SLC22A23: variants seen among roughly 807,000 people sequenced by gnomAD.
The protein encoded by SLC22A23 is solute carrier family 22 member 23, also known as ion transporter protein.
A neutral mutation model predicts 61.0 loss-of-function variants in SLC22A23; 26 were observed. That is an observed-to-expected ratio of 0.43 (90% CI 0.31 to 0.59). The LOEUF is 0.59. SLC22A23 is among the 20% of genes least tolerant of loss of function. The pLI is 0.11. For missense variants in SLC22A23, 796 were observed against 934.7 expected (o/e 0.85, Z 1.94); for synonymous variants, 430 against 413.9 (o/e 1.04, Z -0.47).
intron 1 of SLC22A23, among the ~76,000 whole-genome samples, chr6:3,448,636 G>A (rs1329801474): frequency 6.6e-6 from 1 of 152,154 alleles, no homozygotes; most frequent in Non-Finnish European, 1.5e-5. Context: ...TGGGACTACA[G>A]GCGCCCGCCA....
intron 3 of SLC22A23, among the ~76,000 whole-genome samples, chr6:3,389,268 CAAAAAAAAAAAAA>C (rs61020784): frequency 0.041 from 1,331 of 32,686 alleles, 27 homozygotes; most frequent in Non-Finnish European, 0.049. Flanking sequence ...AACTCTGTCT[CAAAAAAAAAAAAA>C]AAAAAAAAAA....
chr6:3,409,971 T>C (rs1438987139), intron 3 of SLC22A23, among the ~76,000 whole-genome samples: 1 of 152,224 alleles, frequency 6.6e-6, no homozygotes, highest in Non-Finnish European at 1.5e-5. Context: ...TGTCCTTTGA[T>C]GTGCACTGAG....
chr6:3,325,687 T>G (rs1468981251), intron 3 of SLC22A23, among the ~76,000 whole-genome samples: 2 of 152,242 alleles, frequency 1.3e-5, no homozygotes, highest in Non-Finnish European at 2.9e-5. Flanking sequence ...AATAGGTCTT[T>G]TAAGAAAAGA....
At chr6:3,351,469 C>T (rs1273551371) in intron 3 of SLC22A23, among the ~76,000 whole-genome samples, 1 of 152,160 alleles carries the variant, frequency 6.6e-6, no homozygotes, top group African/African-American at 2.4e-5. Flanking sequence ...GCAATGAACA[C>T]AAATCCTGGG....
At chr6:3,391,174 C>T (rs1042807322) in intron 3 of SLC22A23, among the ~76,000 whole-genome samples, 15 of 152,228 alleles carry the variant, frequency 9.9e-5, no homozygotes, top group Non-Finnish European at 2.1e-4. Flanking sequence ...CACCATTCCC[C>T]TTTTGGGCTC....
chr6:3,339,408 C>T (rs539855993), intron 3 of SLC22A23, among the ~76,000 whole-genome samples: 1 of 152,292 alleles, frequency 6.6e-6, no homozygotes, highest in East Asian at 1.9e-4. Flanking sequence ...GTGACAGCCT[C>T]CACTTTCCAA....
intron 1 of SLC22A23, among the ~76,000 whole-genome samples, chr6:3,426,453 C>A (rs1039084945): frequency 3.3e-5 from 5 of 152,070 alleles, no homozygotes; most frequent in African/African-American, 1.2e-4. Context: ...GGTGGTACTA[C>A]CTTCATTCTA....
At chr6:3,351,866 G>A (rs955908701) in intron 3 of SLC22A23, among the ~76,000 whole-genome samples, 1 of 152,208 alleles carries the variant, frequency 6.6e-6, no homozygotes, top group African/African-American at 2.4e-5. Flanking sequence ...TGAGCAGGAG[G>A]ATGGGCAGCA....
chr6:3,435,809 T>C (rs1463217650), intron 1 of SLC22A23, among the ~76,000 whole-genome samples: 1 of 152,090 alleles, frequency 6.6e-6, no homozygotes, highest in Non-Finnish European at 1.5e-5. Flanking sequence ...AAAGTTAAAG[T>C]AAGGTCTCTA....
At chr6:3,379,513 G>A (rs1278572655) in intron 3 of SLC22A23, among the ~76,000 whole-genome samples, 1 of 152,120 alleles carries the variant, frequency 6.6e-6, no homozygotes, top group Non-Finnish European at 1.5e-5. Flanking sequence ...CAGGGGATTT[G>A]GGAGGTGTGC....
intron 3 of SLC22A23, among the ~76,000 whole-genome samples, chr6:3,398,271 T>A (rs1367260444): frequency 6.6e-6 from 1 of 152,076 alleles, no homozygotes; most frequent in South Asian, 2.1e-4. Flanking sequence ...TTCCTAACCC[T>A]ACCCCCAACC....
At position 3,357,376 on chromosome 6, in the gene SLC22A23, G is replaced by A. The variant is rs530240086; in HGVS notation, c.914-33374C>T. Among the ~76,000 whole-genome samples, 104 of 152,298 alleles carry A rather than the reference G, an allele frequency of 6.8e-4. 1 individual carries two copies. Among genetic ancestry groups the A allele is most frequent in the African/African-American group, 2.4e-3 (100 of 41,564 alleles). ...AATGGGGTTGTGGCTCAGCAATAGT[G>A]TAAGGATTAATCGCCTTATCAATTA... is the stretch of plus-strand genomic sequence containing the variant. On this transcript the variant is annotated intron_variant, in intron 3 of 9. Coordinates refer to ENST00000406686, the MANE Select transcript of SLC22A23 (RefSeq NM_015482.2).
At chr6:3,337,529 T>C (rs936251800) in intron 3 of SLC22A23, among the ~76,000 whole-genome samples, 1 of 152,078 alleles carries the variant, frequency 6.6e-6, no homozygotes, top group African/African-American at 2.4e-5. Flanking sequence ...AACTAATTCA[T>C]TGACTCCCAT....
chr6:3,391,217 C>A (rs530534894), intron 3 of SLC22A23, among the ~76,000 whole-genome samples: 2 of 152,218 alleles, frequency 1.3e-5, no homozygotes, highest in Admixed American at 6.5e-5. Flanking sequence ...AATGTCCTCA[C>A]CAGCTCATGG....
intron 1 of SLC22A23, among the ~76,000 whole-genome samples, chr6:3,417,936 T>A (rs927107214): frequency 2.8e-4 from 42 of 152,248 alleles, no homozygotes; most frequent in African/African-American, 9.2e-4. Context: ...GTATGCTGTT[T>A]CTAGGAAAAA....
At chr6:3,442,628 G>A (rs1388810680) in intron 1 of SLC22A23, among the ~76,000 whole-genome samples, 1 of 152,138 alleles carries the variant, frequency 6.6e-6, no homozygotes, top group Non-Finnish European at 1.5e-5. Context: ...ACACTCCATA[G>A]TGCAAATTAC....
intron 5 of SLC22A23, among the ~76,000 whole-genome samples, chr6:3,296,807 C>T (rs543800286): frequency 5.3e-5 from 8 of 152,330 alleles, no homozygotes; most frequent in East Asian, 1.9e-4. Context: ...GGCTGAGCTA[C>T]GGCAGCACCA....
intron 3 of SLC22A23, among the ~76,000 whole-genome samples, chr6:3,343,617 T>G (rs1764269701): frequency 6.6e-6 from 1 of 152,200 alleles, no homozygotes; most frequent in Admixed American, 6.5e-5. Context: ...GAGGGCTCTC[T>G]CCCATGTTTG....
At chr6:3,438,160 G>C (rs1244946833) in intron 1 of SLC22A23, among the ~76,000 whole-genome samples, 1 of 152,136 alleles carries the variant, frequency 6.6e-6, no homozygotes, top group African/African-American at 2.4e-5. Context: ...GAGGCACCAA[G>C]AACATCAAGA....
Sources: gnomAD v4.1 joint callset for allele counts (sites outside exome capture counted in the v4.1 genomes callset) on GRCh38, gnomAD v4.1.1 for gene constraint, MANE v1.5 for transcripts, NCBI Gene and HGNC (gene_info 2026-07-23, HGNC 2026-07-21) for gene names.